PTPRD: variants seen among roughly 807,000 people sequenced by gnomAD.
PTPRD encodes receptor-type tyrosine-protein phosphatase delta.
PTPRD carries 34 observed loss-of-function variants against 214.5 expected under a neutral mutation model. The observed-to-expected ratio is 0.16, with a 90% CI of 0.12 to 0.21. PTPRD has a LOEUF of 0.21. PTPRD is among the 10% of genes least tolerant of loss of function. The pLI is 1.00. For missense variants in PTPRD, 2,545 were observed against 2,398.7 expected (o/e 1.06, Z -1.27); for synonymous variants, 1,128 against 845.7 (o/e 1.33, Z -5.79).
At chr9:8,423,797 C>T (rs1474449298) in intron 35 of PTPRD, among the ~76,000 whole-genome samples, 1 of 151,970 alleles carries the variant, frequency 6.6e-6, no homozygotes, top group African/African-American at 2.4e-5. Flanking sequence ...GTCTTTACAC[C>T]TTTAAATCCC....
chr9:8,336,392 G>A (rs4008203), intron 43 of PTPRD, among the ~76,000 whole-genome samples: 119,944 of 145,706 alleles, frequency 0.82, 49,403 homozygotes, highest in East Asian at 0.89. Context: ...AAAACTGGCT[G>A]GCCATATGCA....
At chr9:10,072,658 C>G (rs144969101) in intron 3 of PTPRD, among the ~76,000 whole-genome samples, 2 of 152,044 alleles carry the variant, frequency 1.3e-5, no homozygotes, top group Admixed American at 6.6e-5. Flanking sequence ...CTTTTAGGAT[C>G]GTGCTTATTG....
chr9:10,609,943 G>A (rs1375465525), intron 2 of PTPRD, among the ~76,000 whole-genome samples: 1 of 152,044 alleles, frequency 6.6e-6, no homozygotes, highest in Non-Finnish European at 1.5e-5. Flanking sequence ...GCAAATGCAG[G>A]TATACAGCAC....
intron 3 of PTPRD, among the ~76,000 whole-genome samples, chr9:10,138,833 T>C (rs11531687): frequency 0.19 from 28,713 of 152,000 alleles, 2,882 homozygotes; most frequent in South Asian, 0.33. Flanking sequence ...AAAAAGCTTT[T>C]GATAAAATCC....
chr9:10,077,878 A>C (rs1376146153), intron 3 of PTPRD, among the ~76,000 whole-genome samples: 1 of 151,694 alleles, frequency 6.6e-6, no homozygotes, highest in South Asian at 2.1e-4. Flanking sequence ...ATTTTTAAAT[A>C]GCCTTCTCTG....
chr9:9,240,628 T>G (rs2130923656), intron 9 of PTPRD, among the ~76,000 whole-genome samples: 1 of 152,266 alleles, frequency 6.6e-6, no homozygotes, highest in South Asian at 2.1e-4. Context: ...GCAATTAGGC[T>G]TATTTGATAT....
At chr9:9,065,713 T>C (rs190365548) in intron 10 of PTPRD, among the ~76,000 whole-genome samples, 2 of 152,282 alleles carry the variant, frequency 1.3e-5, no homozygotes, top group African/African-American at 4.8e-5. Flanking sequence ...AGTTTTAGAC[T>C]ACAAACTTTC....
In PTPRD at chr9:9,466,307, T is replaced by TGTAAATAAGTAA. The variant is rs2094150988; in HGVS notation, c.-236-68826_-236-68825insTTACTTATTTAC. 3.9e-5 allele frequency among the ~76,000 whole-genome samples: 6 copies of TGTAAATAAGTAA among 152,114 alleles called. No homozygotes were observed. In the South Asian group the frequency reaches 1.2e-3, roughly 32 times the overall value. The stretch of plus-strand genomic sequence containing the variant: ...CTGGGCAACAGAGTGACACCCTGTC[T>TGTAAATAAGTAA]CTAAATAAGTAAGTAAATAATAAAA... On this transcript the variant is annotated intron_variant, in intron 8 of 45. Transcript: ENST00000381196.
chr9:9,389,103 C>T (rs1167794487), intron 9 of PTPRD, among the ~76,000 whole-genome samples: 2 of 152,224 alleles, frequency 1.3e-5, no homozygotes, highest in East Asian at 1.9e-4. Flanking sequence ...ATAGTGCCTC[C>T]ATTATAAGGT....
intron 39 of PTPRD, among the ~76,000 whole-genome samples, 189 bp downstream of exon 39, chr9:8,375,747 C>A (rs2083049414): frequency 6.6e-6 from 1 of 152,030 alleles, no homozygotes; most frequent in South Asian, 2.1e-4. Flanking sequence ...CCTACTATCT[C>A]CAGGGGAAAT....
At chr9:8,948,086 C>A (rs1374844547) in intron 11 of PTPRD, among the ~76,000 whole-genome samples, 1 of 146,100 alleles carries the variant, frequency 6.8e-6, no homozygotes, top group Non-Finnish European at 1.5e-5. Context: ...GTGGTGTGAT[C>A]TCTGCTCACT....
At chr9:10,158,716 C>A (rs2154286564) in intron 3 of PTPRD, among the ~76,000 whole-genome samples, 1 of 152,240 alleles carries the variant, frequency 6.6e-6, no homozygotes, top group South Asian at 2.1e-4. Context: ...CTGCCACCAA[C>A]TGCATGGAAA....
At chr9:10,233,672 G>A (rs1345388993) in intron 3 of PTPRD, among the ~76,000 whole-genome samples, 1 of 151,856 alleles carries the variant, frequency 6.6e-6, no homozygotes, top group African/African-American at 2.4e-5. Context: ...GACATTATTA[G>A]TTCTGTCAAA....
At chr9:9,877,141 T>C (rs2067122516) in intron 5 of PTPRD, among the ~76,000 whole-genome samples, 1 of 152,172 alleles carries the variant, frequency 6.6e-6, no homozygotes, top group African/African-American at 2.4e-5. Context: ...TTTATCATAG[T>C]AATTCTTGGG....
intron 3 of PTPRD, among the ~76,000 whole-genome samples, chr9:10,125,432 ATT>A (rs2098809892): frequency 1.2e-5 from 1 of 80,284 alleles, no homozygotes; most frequent in African/African-American, 6.0e-5. Flanking sequence ...TTTTATTATT[ATT>A]ATTATTATTA....
intron 11 of PTPRD, among the ~76,000 whole-genome samples, chr9:8,813,236 C>G (rs1193429833): frequency 2.0e-5 from 3 of 151,768 alleles, no homozygotes; most frequent in Non-Finnish European, 4.4e-5. Flanking sequence ...CATATGAGAC[C>G]AGACGAGGAG....
chr9:8,510,701 C>T (rs2097660560), intron 21 of PTPRD, among the ~76,000 whole-genome samples: 1 of 152,120 alleles, frequency 6.6e-6, no homozygotes. Context: ...GTGCACTACC[C>T]ACACTTCCTC....
At chr9:9,058,444 T>TTTTTTTTG (rs1346139992) in intron 10 of PTPRD, among the ~76,000 whole-genome samples, 3 of 24,950 alleles carry the variant, frequency 1.2e-4, no homozygotes, top group African/African-American at 6.3e-4. Context: ...TTATGAGGGT[T>TTTTTTTTG]TTTTTTTTTT....
chr9:9,137,074 C>T (rs941920714), intron 10 of PTPRD, among the ~76,000 whole-genome samples: 2 of 152,152 alleles, frequency 1.3e-5, no homozygotes, highest in African/African-American at 2.4e-5. Context: ...CATGATTTCA[C>T]TTGCTCAAGA....
Sources: gnomAD v4.1 joint callset for allele counts (sites outside exome capture counted in the v4.1 genomes callset) on GRCh38, gnomAD v4.1.1 for gene constraint, MANE v1.5 for transcripts, NCBI Gene and HGNC (gene_info 2026-07-23, HGNC 2026-07-21) for gene names.